The following MCF2L variants were observed in gnomAD, a reference collection of about 807,000 sequenced individuals.
The protein encoded by MCF2L is MCF.2 cell line derived transforming sequence like.
MCF2L carries 97 observed loss-of-function variants against 153.4 expected under a neutral mutation model. That is an observed-to-expected ratio of 0.63 (90% CI 0.54 to 0.75). MCF2L has a LOEUF of 0.75. Among genes scored for constraint, MCF2L ranks in the 30% least tolerant of loss-of-function variants. The pLI is 0.00. For missense variants in MCF2L, 1,347 were observed against 1,495.2 expected (o/e 0.90, Z 1.64); for synonymous variants, 659 against 632.2 (o/e 1.04, Z -0.64).
chr13:113,061,766 C>A, intron 5 of MCF2L, among the ~76,000 whole-genome samples: 1 of 82,112 alleles, frequency 1.2e-5, no homozygotes, highest in African/African-American at 5.1e-5. Flanking sequence ...TTCCCTCTCC[C>A]CCTTCCCCTC....
chr13:112,925,325 C>G (rs116249279), intron 2 of MCF2L, among the ~76,000 whole-genome samples: 60 of 152,306 alleles, frequency 3.9e-4, no homozygotes, highest in African/African-American at 1.4e-3. Flanking sequence ...CTTTGGAAAA[C>G]ATGGACAGGG....
chr13:113,039,607 T>G (rs1363935288), intron 3 of MCF2L, among the ~76,000 whole-genome samples: 1 of 151,240 alleles, frequency 6.6e-6, no homozygotes, highest in East Asian at 1.9e-4. Flanking sequence ...TACAGAGAAC[T>G]ACACACCAAC....
intron 1 of MCF2L, among the ~76,000 whole-genome samples, chr13:112,991,819 G>A (rs2082909887): frequency 6.6e-6 from 1 of 152,200 alleles, no homozygotes; most frequent in East Asian, 1.9e-4. Context: ...GCAGGATTTG[G>A]CTGGTTCTGG....
At chr13:112,999,400 T>G (rs2083269805) in intron 1 of MCF2L, among the ~76,000 whole-genome samples, 1 of 152,180 alleles carries the variant, frequency 6.6e-6, no homozygotes, top group Admixed American at 6.5e-5. Flanking sequence ...CGACGCCCTC[T>G]CCTTAGAGGA....
chr13:112,903,051 T>C (rs1430781516), intron 2 of MCF2L, among the ~76,000 whole-genome samples: 1 of 152,254 alleles, frequency 6.6e-6, no homozygotes, highest in Non-Finnish European at 1.5e-5. Context: ...TGCCATTTCT[T>C]CCCAAATTGA....
rs1428416497 is a variant in MCF2L, at chr13:113,096,979, G to C, written c.*120G>C. On this transcript the variant is annotated 3_prime_UTR_variant, in exon 30 of 30. Transcript: ENST00000535094. The stretch of plus-strand genomic sequence containing the variant: ...CCGCCCCCACCCAGAGCGCCTGGCC[G>C]TGCGGGCTGCAGAGGACCCCTCCGG... 1.1e-5 allele frequency: 7 copies of C among 647,456 alleles called. No individual in the cohort carries two copies. Among genetic ancestry groups the C allele is most frequent in the South Asian group, 3.8e-5 (1 of 26,248 alleles). 40.1% of individuals were successfully genotyped at this position (647,456 alleles called of 1,614,324 possible).
At chr13:113,013,396 T>TC (rs1057183342) in intron 1 of MCF2L, among the ~76,000 whole-genome samples, 3 of 151,586 alleles carry the variant, frequency 2.0e-5, no homozygotes, top group Non-Finnish European at 2.9e-5. Context: ...CCCTGCTGCT[T>TC]CCCCCCCAAC....
At chr13:113,010,837 G>A (rs763751012) in intron 1 of MCF2L, among the ~76,000 whole-genome samples, 2 of 152,198 alleles carry the variant, frequency 1.3e-5, no homozygotes, top group Non-Finnish European at 2.9e-5. Context: ...CCTCCCAGAC[G>A]TCTGACAGCA....
intron 1 of MCF2L, chr13:112,979,887 C>T (rs749534187): frequency 1.5e-5 from 12 of 789,184 alleles, no homozygotes; most frequent in Middle Eastern, 2.3e-4. Context: ...CTGTGCAGCT[C>T]GGAGACTTCT....
At chr13:113,060,938 G>A (rs573048754) in intron 5 of MCF2L, among the ~76,000 whole-genome samples, 1 of 138,090 alleles carries the variant, frequency 7.2e-6, no homozygotes, top group East Asian at 2.5e-4. Flanking sequence ...GAGGTGCACA[G>A]AGCATCAACC....
upstream of MCF2L, chr13:112,969,210 T>G: frequency 9.1e-6 from 10 of 1,098,348 alleles, no homozygotes; most frequent in South Asian, 4.5e-5. The surrounding 1 kb of genome is among the most constrained non-coding windows in gnomAD (Gnocchi z 4.8). Context: ...CCCCTCCCGG[T>G]GGCGCGGAAC....
At chr13:113,082,645 G>GC in intron 17 of MCF2L, 103 bp downstream of exon 17, 2 of 870,002 alleles carry the variant, frequency 2.3e-6, no homozygotes, top group Non-Finnish European at 3.7e-6. Flanking sequence ...GCCATGCCTG[G>GC]CTAGGGAGGG....
chr13:112,895,242 T>C (rs958780852), intron 1 of MCF2L, among the ~76,000 whole-genome samples: 1 of 151,964 alleles, frequency 6.6e-6, no homozygotes, highest in Non-Finnish European at 1.5e-5. Context: ...GCTCACTCCC[T>C]GGAGACTCCC....
At chr13:113,090,033 T>C (rs529752141) in intron 26 of MCF2L, 24 of 1,595,308 alleles carry the variant, frequency 1.5e-5, no homozygotes, top group Non-Finnish European at 2.0e-5. Flanking sequence ...CGGGTTGCGA[T>C]GCCCTCTGCA....
At chr13:113,037,102 G>A (rs72663505) in intron 3 of MCF2L, among the ~76,000 whole-genome samples, 57,419 of 151,780 alleles carry the variant, frequency 0.38, 11,623 homozygotes, top group Non-Finnish European at 0.46. Flanking sequence ...GTGCAAGCGT[G>A]TCATCCTAGA....
chr13:112,950,944 C>T (rs1279455690), intron 2 of MCF2L, among the ~76,000 whole-genome samples: 1 of 152,156 alleles, frequency 6.6e-6, no homozygotes, highest in Admixed American at 6.5e-5. Context: ...GATGAAAAGA[C>T]AAGCTACAAA....
intron 1 of MCF2L, among the ~76,000 whole-genome samples, chr13:113,005,729 A>G (rs553218530): frequency 1.3e-5 from 2 of 152,258 alleles, no homozygotes; most frequent in Admixed American, 1.3e-4. Context: ...GATGTTGGGT[A>G]TTCTAACTGT....
At chr13:113,065,879 G>A (rs746190124) in intron 7 of MCF2L, among the ~76,000 whole-genome samples, 167 bp from the exon 8 acceptor site, 18 of 152,194 alleles carry the variant, frequency 1.2e-4, no homozygotes, top group South Asian at 6.2e-4. Flanking sequence ...ACATCACCCC[G>A]CCTGCCCGCA....
At chr13:113,003,979 T>C (rs969567524) in intron 1 of MCF2L, among the ~76,000 whole-genome samples, 2 of 152,096 alleles carry the variant, frequency 1.3e-5, no homozygotes, top group African/African-American at 4.8e-5. Flanking sequence ...CACAGAGAGG[T>C]CACCGTGGTA....
Sources: allele counts gnomAD v4.1 joint callset (sites outside exome capture counted in the v4.1 genomes callset), GRCh38; gene constraint gnomAD v4.1.1; non-coding constraint Gnocchi (gnomAD v3.1); transcripts MANE v1.5; gene names NCBI Gene and HGNC (gene_info 2026-07-23, HGNC 2026-07-21).